The following CCDC141 variants were observed in gnomAD, a reference collection of about 807,000 sequenced individuals.
CCDC141 encodes coiled-coil domain containing 141.
A neutral mutation model predicts 181.0 loss-of-function variants in CCDC141; 168 were observed. The ratio of observed to expected loss-of-function variants is 0.93; its 90% CI spans 0.82 to 1.05. CCDC141 has a LOEUF of 1.05. CCDC141 is among the 50% of genes least tolerant of loss of function. The pLI is 0.00. For synonymous variants in CCDC141, 666 were observed against 642.3 expected (o/e 1.04, Z -0.56); for missense variants, 1,902 against 1,788.5 (o/e 1.06, Z -1.14).
chr2:178,938,420 G>C (rs1689375611), intron 6 of CCDC141, among the ~76,000 whole-genome samples: 1 of 151,926 alleles, frequency 6.6e-6, no homozygotes, highest in Non-Finnish European at 1.5e-5. Context: ...GATTCTCCTT[G>C]TCTTGACTCT....
rs574672469 is a variant in CCDC141, at chr2:178,978,191, T to C, written c.417+293A>G. Among the ~76,000 whole-genome samples, 27 of 152,290 alleles carry C rather than the reference T, an allele frequency of 1.8e-4. 1 individual carries two copies. Among genetic ancestry groups the C allele is most frequent in the South Asian group, 4.1e-4 (2 of 4,822 alleles). On this transcript the variant is annotated intron_variant, in intron 3 of 23. Coordinates refer to ENST00000443758, the MANE Select transcript of CCDC141 (RefSeq NM_173648.4). ...TGATTTAGTAACTGTATTACTACCT[T>C]CTATAGAGGGAAATAATCGTAATGA...
intron 2 of CCDC141, among the ~76,000 whole-genome samples, chr2:179,041,500 T>C (rs1299057088): frequency 7.0e-6 from 1 of 142,304 alleles, no homozygotes; most frequent in African/African-American, 2.6e-5. Flanking sequence ...GGTTTTTTTT[T>C]TTTTTTTTTT....
chr2:178,970,268 T>C (rs1690825577), intron 4 of CCDC141, among the ~76,000 whole-genome samples: 1 of 152,206 alleles, frequency 6.6e-6, no homozygotes, highest in Non-Finnish European at 1.5e-5. Context: ...TTGGAAAAAC[T>C]ACTTTAAAGT....
intron 17 of CCDC141, among the ~76,000 whole-genome samples, chr2:178,865,353 A>T (rs777130095): frequency 3.9e-5 from 6 of 152,214 alleles, no homozygotes; most frequent in South Asian, 2.1e-4. Flanking sequence ...ATAGAATTTC[A>T]GCAGGCTGGA....
intron 2 of CCDC141, among the ~76,000 whole-genome samples, chr2:179,023,534 A>T (rs1266517790): frequency 6.6e-6 from 1 of 152,230 alleles, no homozygotes; most frequent in African/African-American, 2.4e-5. Context: ...TTAAATTTTT[A>T]AAAGTGGTTC....
At chr2:178,878,238 A>T in intron 11 of CCDC141, 95 bp from the exon 12 acceptor site, 1 of 525,934 alleles carries the variant, frequency 1.9e-6, no homozygotes, top group South Asian at 5.0e-5. Flanking sequence ...AAAACCTAAA[A>T]CTACATTTTC....
At position 178,831,364 on chromosome 2, in the gene CCDC141, G is replaced by A. The variant is rs991571738; in HGVS notation, c.*2809C>T. 6.6e-6 allele frequency: 1 copy of A among 152,102 alleles called. No individual in the cohort carries two copies. Among genetic ancestry groups the A allele is most frequent in the Non-Finnish European group, 1.5e-5 (1 of 68,006 alleles). The allele number at this position is 152,102 out of a possible 1,614,324, so 9.4% of individuals were successfully genotyped here. On this transcript the variant is annotated 3_prime_UTR_variant, in exon 24 of 24. Coordinates refer to ENST00000443758, the MANE Select transcript of CCDC141 (RefSeq NM_173648.4). ...TTATAATTTGTTTAAGAGTTTAGAA[G>A]TTTTAAAACGTTTTCTGGTGAAAAT...
chr2:178,853,361 C>A (rs940147268), intron 20 of CCDC141, 80 bp downstream of exon 20: 4 of 1,314,054 alleles, frequency 3.0e-6, no homozygotes, highest in South Asian at 2.6e-5. Context: ...GGACTTGCCA[C>A]ACTCTTGCTG....
chr2:178,878,365 C>T (rs1686446247), intron 11 of CCDC141, among the ~76,000 whole-genome samples: 1 of 151,388 alleles, frequency 6.6e-6, no homozygotes, highest in Non-Finnish European at 1.5e-5. Flanking sequence ...GTGGCACCAC[C>T]ATAGCGCACT....
intron 2 of CCDC141, among the ~76,000 whole-genome samples, chr2:179,006,306 A>C (rs868557183): frequency 6.6e-6 from 1 of 152,226 alleles, no homozygotes; most frequent in Non-Finnish European, 1.5e-5. Flanking sequence ...CAAACTGTGA[A>C]TGTCCCTTTG....
intron 2 of CCDC141, among the ~76,000 whole-genome samples, chr2:179,009,242 G>T (rs751279847): frequency 5.9e-5 from 9 of 152,108 alleles, no homozygotes; most frequent in Non-Finnish European, 1.2e-4. Flanking sequence ...TGCTGAAGCT[G>T]TTACAACTTT....
At chr2:179,044,971 CTTT>C (rs11413791) in intron 2 of CCDC141, among the ~76,000 whole-genome samples, 2 of 150,286 alleles carry the variant, frequency 1.3e-5, no homozygotes, top group South Asian at 4.2e-4. Flanking sequence ...TGGGGTTTTT[CTTT>C]TTTTTTCTTT....
At chr2:178,845,559 C>T in intron 22 of CCDC141, 67 bp downstream of exon 22, 2 of 837,212 alleles carry the variant, frequency 2.4e-6, no homozygotes, top group South Asian at 2.9e-5. Context: ...TTTTATTTTG[C>T]AATGGACAAT....
chr2:179,012,567 T>G (rs989275045), intron 2 of CCDC141, among the ~76,000 whole-genome samples: 1 of 152,086 alleles, frequency 6.6e-6, no homozygotes, highest in Non-Finnish European at 1.5e-5. Flanking sequence ...CCAATCCTTT[T>G]GACACTATTC....
chr2:178,901,385 G>A (rs1248889844), intron 8 of CCDC141, among the ~76,000 whole-genome samples: 1 of 151,968 alleles, frequency 6.6e-6, no homozygotes, highest in Non-Finnish European at 1.5e-5. Flanking sequence ...GAATCCAGCA[G>A]CACATCAAAA....
chr2:178,988,445 T>G (rs1020624031), intron 2 of CCDC141, among the ~76,000 whole-genome samples: 2 of 151,350 alleles, frequency 1.3e-5, no homozygotes, highest in African/African-American at 4.9e-5. Flanking sequence ...AATGTGCACA[T>G]GTACCCTAAA....
chr2:178,995,707 G>A (rs1208927351), intron 2 of CCDC141, among the ~76,000 whole-genome samples: 1 of 152,214 alleles, frequency 6.6e-6, no homozygotes, highest in Non-Finnish European at 1.5e-5. Flanking sequence ...AGAGATAGAT[G>A]AGTATGTGCC....
chr2:178,942,326 C>T (rs940385521), intron 6 of CCDC141, among the ~76,000 whole-genome samples: 2 of 151,958 alleles, frequency 1.3e-5, no homozygotes, highest in Admixed American at 6.6e-5. Context: ...TTTCTAAACA[C>T]GAATGAGCTA....
intron 17 of CCDC141, among the ~76,000 whole-genome samples, chr2:178,859,706 C>T (rs1187107800): frequency 6.6e-6 from 1 of 152,112 alleles, no homozygotes; most frequent in Admixed American, 6.5e-5. Context: ...GTTAACATAG[C>T]TATAATTAGA....
Sources: allele counts gnomAD v4.1 joint callset (sites outside exome capture counted in the v4.1 genomes callset), GRCh38; gene constraint gnomAD v4.1.1; transcripts MANE v1.5; gene names NCBI Gene and HGNC (gene_info 2026-07-23, HGNC 2026-07-21).